The following LTBP1 variants were observed in gnomAD, a reference collection of about 807,000 sequenced individuals.
The protein encoded by LTBP1 is latent transforming growth factor beta binding protein 1.
A neutral mutation model predicts 207.6 loss-of-function variants in LTBP1; 129 were observed. The observed-to-expected ratio is 0.62, with a 90% CI of 0.54 to 0.72. LTBP1 has a LOEUF of 0.72. Among genes scored for constraint, LTBP1 ranks in the 30% least tolerant of loss-of-function variants. The pLI is 0.00. For synonymous variants in LTBP1, 963 were observed against 833.7 expected, an observed-to-expected ratio of 1.16 and a Z score of -2.67; for missense variants, 2,281 against 2,217.2, an observed-to-expected ratio of 1.03 and a Z score of -0.58.
intron 15 of LTBP1, among the ~76,000 whole-genome samples, chr2:33,264,117 C>G (rs9751070): frequency 0.35 from 53,022 of 150,290 alleles, 9,535 homozygotes; most frequent in Middle Eastern, 0.39. Flanking sequence ...TTAGCTGGGC[C>G]TGGTGGCAGG....
chr2:33,009,392 AG>A (rs2149078467), intron 2 of LTBP1, among the ~76,000 whole-genome samples: 1 of 152,320 alleles, frequency 6.6e-6, no homozygotes, highest in Admixed American at 6.5e-5. Context: ...CTTTGGACAT[AG>A]GGTCCTTGCA....
intron 5 of LTBP1, among the ~76,000 whole-genome samples, chr2:33,185,814 C>G (rs910255222): frequency 3.9e-5 from 6 of 152,040 alleles, no homozygotes; most frequent in Non-Finnish European, 8.8e-5. Context: ...ATTGAGAAGT[C>G]AACAAACAAT....
At chr2:33,130,566 C>A in intron 4 of LTBP1, among the ~76,000 whole-genome samples, 1 of 152,140 alleles carries the variant, frequency 6.6e-6, no homozygotes, top group Non-Finnish European at 1.5e-5. Flanking sequence ...TTGTTAACAA[C>A]CCCGAAGCAG....
chr2:33,304,837 G>A (rs543059565), intron 22 of LTBP1, among the ~76,000 whole-genome samples: 51 of 152,290 alleles, frequency 3.3e-4, no homozygotes, highest in Admixed American at 1.9e-3. Context: ...TTTTAAAAAG[G>A]TGGAAAGGTG....
chr2:33,215,153 ATAATGATAATGG>A (rs940585330), intron 7 of LTBP1, among the ~76,000 whole-genome samples: 4 of 152,116 alleles, frequency 2.6e-5, no homozygotes, highest in Non-Finnish European at 4.4e-5. Flanking sequence ...AATAATAATA[ATAATGATAATGG>A]TAATGATAGC....
At chr2:33,148,533 G>A (rs980622594) in intron 5 of LTBP1, among the ~76,000 whole-genome samples, 2 of 152,134 alleles carry the variant, frequency 1.3e-5, no homozygotes, top group Non-Finnish European at 2.9e-5. Context: ...TTTCCCTTCT[G>A]TGTGTCATCA....
At chr2:33,295,322 T>G (rs1293733313) in intron 20 of LTBP1, among the ~76,000 whole-genome samples, 2 of 151,608 alleles carry the variant, frequency 1.3e-5, no homozygotes, top group South Asian at 4.2e-4. Flanking sequence ...AAGTCAGGAG[T>G]TCGAGACCAG....
Position 33,182,686 on chromosome 2 carries a change from T to TGAGATAGATA in LTBP1, c.1202-4168_1202-4167insGATAGATAGA, listed in dbSNP as rs1215386722. Reference sequence around the variant, plus strand: ...CAAAAAAAAAAAGAAGAAAAGATGGTGATATATATATATACACACACACAC... The same window carrying TGAGATAGATA: ...CAAAAAAAAAAAGAAGAAAAGATGGTGAGATAGATAGATATATATATATACACACACACAC... On this transcript the variant is annotated intron_variant, in intron 5 of 33. Coordinates refer to ENST00000404816, the MANE Select transcript of LTBP1 (RefSeq NM_206943.4). Among the ~76,000 whole-genome samples the TGAGATAGATA allele has an allele frequency of 6.2e-5, 3 of 48,616 alleles. 1 individual carries two copies. Among genetic ancestry groups the TGAGATAGATA allele is most frequent in the Admixed American group, 4.5e-4 (2 of 4,480 alleles). The allele number at this position is 48,616 out of a possible 152,430, so 31.9% of individuals were successfully genotyped here.
chr2:33,262,444 A>G (rs2093041654), intron 13 of LTBP1, among the ~76,000 whole-genome samples: 1 of 151,854 alleles, frequency 6.6e-6, no homozygotes, highest in East Asian at 1.9e-4. Context: ...ACAAGATCAG[A>G]CTTTGGGCCT....
At chr2:33,168,157 A>G (rs1051704155) in intron 5 of LTBP1, among the ~76,000 whole-genome samples, 2 of 152,100 alleles carry the variant, frequency 1.3e-5, no homozygotes, top group Non-Finnish European at 2.9e-5. Context: ...AGGCGGGAGG[A>G]TTGCTTGAGG....
chr2:33,118,430 G>A (rs1419576699), intron 4 of LTBP1, among the ~76,000 whole-genome samples: 6 of 152,184 alleles, frequency 3.9e-5, no homozygotes, highest in African/African-American at 1.4e-4. Context: ...AAATCAGCGA[G>A]TTCCTTAAGC....
intron 26 of LTBP1, 139 bp from the exon 27 acceptor site, chr2:33,360,458 G>C: frequency 1.8e-6 from 1 of 543,936 alleles, no homozygotes; most frequent in Non-Finnish European, 3.2e-6. Context: ...GGAAGAATCT[G>C]ACACTGAAAG....
chr2:33,148,090 C>G (rs1166504070), intron 5 of LTBP1, among the ~76,000 whole-genome samples: 1 of 152,168 alleles, frequency 6.6e-6, no homozygotes, highest in East Asian at 1.9e-4. Flanking sequence ...GTGTGGTGGT[C>G]TTATCTGCAA....
In LTBP1 at chr2:33,290,911, A is replaced by G. The variant is rs114981004; in HGVS notation, c.3113-2249A>G. 9.7e-3 allele frequency among the ~76,000 whole-genome samples: 1,474 copies of G among 152,310 alleles called. 30 individuals are homozygous for G. Among genetic ancestry groups the G allele is most frequent in the African/African-American group, 0.034 (1,402 of 41,568 alleles). On this transcript the variant is annotated intron_variant, in intron 19 of 33. Coordinates refer to ENST00000404816, the MANE Select transcript of LTBP1 (RefSeq NM_206943.4). Reference sequence around the variant, plus strand: ...GAGAGAAATCTGGGCCAACGATATAATGCTGAATTAATTTTACACCATTTG... The same window carrying G: ...GAGAGAAATCTGGGCCAACGATATAGTGCTGAATTAATTTTACACCATTTG...
chr2:33,056,432 C>T (rs1381753733), intron 3 of LTBP1: 2 of 1,006,256 alleles, frequency 2.0e-6, no homozygotes, highest in East Asian at 2.8e-5. Flanking sequence ...CTTTGCCCAG[C>T]AGCTTGTTTA....
At chr2:32,986,405 C>T (rs1212652806) in intron 2 of LTBP1, among the ~76,000 whole-genome samples, 1 of 152,106 alleles carries the variant, frequency 6.6e-6, no homozygotes, top group Non-Finnish European at 1.5e-5. Flanking sequence ...CACAGACTGA[C>T]TTAAATAAAA....
chr2:33,252,753 T>A lies in LTBP1; in HGVS notation c.2076T>A (p.Pro692=), dbSNP rs1458082533. The change falls in exon 11 of 34, where the codon CCT becomes CCA. Residue 692 remains proline, a synonymous_variant. Transcript: ENST00000404816. ...GTTCTGGAAGACAGTGTATGCACCC[T>A]CTGTCTGTTCACCTCACCAAGCAGC... The part of the protein sequence containing the change: ...LVSSGRQCMH[P]LSVHLTKQLC... The A allele has an allele frequency of 6.2e-7, 1 of 1,613,850 alleles. No individual in the cohort carries two copies. The highest frequency in any genetic ancestry group is 2.2e-5 in the East Asian group (1 of 44,888).
chr2:33,298,398 C>CT (rs2093921492), intron 20 of LTBP1, among the ~76,000 whole-genome samples: 1 of 152,148 alleles, frequency 6.6e-6, no homozygotes, highest in Admixed American at 6.6e-5. Context: ...GAGGGTCTAT[C>CT]TCTGTTGCAG....
intron 3 of LTBP1, among the ~76,000 whole-genome samples, chr2:33,075,894 AT>A (rs2078055010): frequency 1.3e-5 from 2 of 151,720 alleles, no homozygotes; most frequent in Non-Finnish European, 2.9e-5. Context: ...GTGCTTCTTT[AT>A]TTTTCTAGGC....
Sources: gnomAD v4.1 joint callset for allele counts (sites outside exome capture counted in the v4.1 genomes callset) on GRCh38, gnomAD v4.1.1 for gene constraint, MANE v1.5 for transcripts, NCBI Gene and HGNC (gene_info 2026-07-23, HGNC 2026-07-21) for gene names.